ULK4: variants seen among roughly 807,000 people sequenced by gnomAD.
ULK4 encodes inactive serine/threonine-protein kinase ULK4.
Under a neutral mutation model 160.6 loss-of-function variants are expected in ULK4, and 133 were observed. The observed-to-expected ratio is 0.83, with a 90% CI of 0.72 to 0.96. The LOEUF (loss-of-function observed/expected upper bound fraction) is 0.96. Ranked by LOEUF, ULK4 falls within the 40% of genes least tolerant of loss-of-function variation. ULK4 has a pLI of 0.00. For missense variants in ULK4, 1,580 were observed against 1,499.5 expected, an observed-to-expected ratio of 1.05 and a Z score of -0.89; for synonymous variants, 534 against 539.8, an observed-to-expected ratio of 0.99 and a Z score of 0.15.
At chr3:41,805,550 C>T (rs2040615283) in intron 19 of ULK4, among the ~76,000 whole-genome samples, 1 of 150,888 alleles carries the variant, frequency 6.6e-6, no homozygotes, top group African/African-American at 2.4e-5. Context: ...GAGGGCATCC[C>T]TGTCTTGTGC....
chr3:41,607,867 A>T (rs2032459502), intron 31 of ULK4, among the ~76,000 whole-genome samples: 1 of 152,210 alleles, frequency 6.6e-6, no homozygotes. Context: ...GGACATTATA[A>T]AGACAGATAC....
rs185397849 is a variant in ULK4, at chr3:41,641,898, G to A, written c.3071+21709C>T. ...TTTTTTTTTTTTTTTTCTTTGAGAC[G>A]GAGTTTCACTCTTGCTGCCCAGGCT... is the stretch of plus-strand genomic sequence containing the variant. On this transcript the variant is annotated intron_variant, in intron 30 of 36. Transcript: ENST00000301831. Among the ~76,000 whole-genome samples the A allele has an allele frequency of 4.6e-3, 668 of 146,530 alleles. 4 individuals carry two copies. The highest frequency in any genetic ancestry group is 0.016 in the African/African-American group (643 of 39,826).
At chr3:41,506,221 G>A (rs1016365206) in intron 32 of ULK4, among the ~76,000 whole-genome samples, 3 of 152,072 alleles carry the variant, frequency 2.0e-5, no homozygotes, top group Non-Finnish European at 4.4e-5. Context: ...AAATTAGTAT[G>A]GATGGATAAA....
At position 41,896,975 on chromosome 3, in the gene ULK4, T is replaced by C; in HGVS notation, c.1377A>G (p.Gln459=). ...SVDKLLFLKD[Q]DWNDFLQQVC... ...CTTGTTGCAAAAAGTCATTCCAATC[T>C]TGATCTTTCAGAAATAATAACTTAT... Residue 459 remains glutamine, a synonymous_variant, in exon 15 of 37, where the codon CAA becomes CAG. Transcript: ENST00000301831. 6.2e-7 allele frequency: 1 copy of C among 1,612,684 alleles called. No individual in the cohort carries two copies. The highest frequency in any genetic ancestry group is 1.1e-5 in the South Asian group (1 of 91,034).
At position 41,626,079 on chromosome 3, in the gene ULK4, T is replaced by C. The variant is rs1209684708; in HGVS notation, c.3072-10362A>G. Among the ~76,000 whole-genome samples the C allele has an allele frequency of 2.6e-5, 4 of 152,194 alleles. No homozygotes were observed. The East Asian group carries it at 7.7e-4, about 29-fold the overall frequency. On this transcript the variant is annotated intron_variant, in intron 30 of 36. Coordinates refer to ENST00000301831, the MANE Select transcript of ULK4 (RefSeq NM_017886.4). Reference sequence around the variant, plus strand: ...TGGTGCCATTTAATGACAGATTTCATGTGGTTAAAGAGTCTCCCTTACAAA... The same window carrying C: ...TGGTGCCATTTAATGACAGATTTCACGTGGTTAAAGAGTCTCCCTTACAAA...
At position 41,663,642 on chromosome 3, in the gene ULK4, T is replaced by C; in HGVS notation, c.3036A>G (p.Leu1012=). The C allele has an allele frequency of 6.2e-7, 1 of 1,613,978 alleles. No homozygotes were observed. Among genetic ancestry groups the C allele is most frequent in the South Asian group, 1.1e-5 (1 of 91,082 alleles). The change falls in exon 30 of 37, where the codon CTA becomes CTG. Residue 1012 remains leucine (L), a synonymous_variant. Transcript: ENST00000301831. ...DPVPAYALKL[L]VAMTEHNPTF... The stretch of plus-strand genomic sequence containing the variant: ...TTGGGTTGTGTTCAGTCATCGCGAC[T>C]AGCAGTTTCAGAGCATATGCTGGTA...
At chr3:41,697,768 T>C (rs560860185) in intron 27 of ULK4, among the ~76,000 whole-genome samples, 1 of 152,210 alleles carries the variant, frequency 6.6e-6, no homozygotes, top group East Asian at 1.9e-4. Flanking sequence ...CAGGTGAAGA[T>C]GTGAGCCTCT....
chr3:41,811,093 C>T (rs1182447981), intron 19 of ULK4, among the ~76,000 whole-genome samples: 1 of 151,976 alleles, frequency 6.6e-6, no homozygotes, highest in Non-Finnish European at 1.5e-5. Flanking sequence ...CGCTATGTTG[C>T]CCAGGCTGGT....
chr3:41,805,375 G>T (rs917304964), intron 19 of ULK4, among the ~76,000 whole-genome samples: 5 of 152,202 alleles, frequency 3.3e-5, no homozygotes, highest in Admixed American at 6.5e-5. Context: ...AGCTTAAGGA[G>T]ATTTTGGGCT....
intron 35 of ULK4, among the ~76,000 whole-genome samples, chr3:41,305,329 T>C (rs569600674): frequency 2.7e-4 from 41 of 152,204 alleles, no homozygotes; most frequent in Non-Finnish European, 4.4e-4. Context: ...GCAACCTCCC[T>C]GCCTGATTCT....
At chr3:41,957,328 C>A (rs1700515572) in intron 1 of ULK4, among the ~76,000 whole-genome samples, 1 of 150,594 alleles carries the variant, frequency 6.6e-6, no homozygotes, top group African/African-American at 2.4e-5. Context: ...GTGGCACACG[C>A]TTGTAATCCC....
intron 32 of ULK4, among the ~76,000 whole-genome samples, chr3:41,553,093 A>G (rs1376760751): frequency 4.0e-4 from 61 of 152,092 alleles, no homozygotes; most frequent in Admixed American, 4.0e-3. Flanking sequence ...ACCTCATACA[A>G]AAATCAACTC....
intron 30 of ULK4, among the ~76,000 whole-genome samples, chr3:41,622,880 A>G (rs1461144160): frequency 6.6e-6 from 1 of 152,200 alleles, no homozygotes; most frequent in Non-Finnish European, 1.5e-5. Flanking sequence ...TGCAGGCCAC[A>G]TTGTCTCTAT....
At chr3:41,279,077 G>A (rs1201930644) in intron 35 of ULK4, among the ~76,000 whole-genome samples, 2 of 152,020 alleles carry the variant, frequency 1.3e-5, no homozygotes, top group Admixed American at 1.3e-4. Context: ...TGGCTAACTA[G>A]AATAAACAGT....
intron 22 of ULK4, among the ~76,000 whole-genome samples, chr3:41,731,044 T>C (rs1250706104): frequency 6.6e-6 from 1 of 152,042 alleles, no homozygotes; most frequent in African/African-American, 2.4e-5. Context: ...AACCCAATAA[T>C]GGCCATATAT....
intron 25 of ULK4, 45 bp downstream of exon 25, chr3:41,715,192 A>G: frequency 6.4e-7 from 1 of 1,574,114 alleles, no homozygotes; most frequent in Non-Finnish European, 8.7e-7. Flanking sequence ...ACAGTAGAGG[A>G]AGTCACAATT....
intron 35 of ULK4, among the ~76,000 whole-genome samples, chr3:41,306,621 C>T (rs1251285146): frequency 6.6e-6 from 1 of 151,794 alleles, no homozygotes; most frequent in Non-Finnish European, 1.5e-5. Context: ...CCCCTCTGCC[C>T]GGCCACCACC....
chr3:41,364,473 T>TGTTTCACAG (rs1261678030), intron 35 of ULK4, among the ~76,000 whole-genome samples: 6 of 152,238 alleles, frequency 3.9e-5, no homozygotes, highest in Non-Finnish European at 8.8e-5. Flanking sequence ...ACTCTTGTAC[T>TGTTTCACAG]GTTTTGGCTA....
At chr3:41,932,542 G>A (rs567689145) in intron 4 of ULK4, among the ~76,000 whole-genome samples, 1 of 152,332 alleles carries the variant, frequency 6.6e-6, no homozygotes, top group Non-Finnish European at 1.5e-5. Flanking sequence ...TCAGACTGCT[G>A]TAAGGATTAA....
Sources: allele counts gnomAD v4.1 joint callset (sites outside exome capture counted in the v4.1 genomes callset), GRCh38; gene constraint gnomAD v4.1.1; transcripts MANE v1.5; gene names NCBI Gene and HGNC (gene_info 2026-07-23, HGNC 2026-07-21).